Variants in NDUFAF6 observed in about 807,000 individuals in gnomAD.
NDUFAF6 encodes NADH:ubiquinone oxidoreductase complex assembly factor 6.
Under a neutral mutation model 40.8 loss-of-function variants are expected in NDUFAF6, and 45 were observed. That is an observed-to-expected ratio of 1.10 (90% CI 0.87 to 1.42). The LOEUF (loss-of-function observed/expected upper bound fraction) is 1.42. Ranked by LOEUF, NDUFAF6 falls within the 40% of genes most tolerant of loss-of-function variation. NDUFAF6 has a pLI of 0.00. For missense variants in NDUFAF6, 435 were observed against 418.5 expected, an observed-to-expected ratio of 1.04 and a Z score of -0.34; for synonymous variants, 185 against 155.9, an observed-to-expected ratio of 1.19 and a Z score of -1.39.
intron 2 of NDUFAF6, among the ~76,000 whole-genome samples, chr8:95,001,779 T>C (rs1372865834): frequency 2.0e-5 from 3 of 151,864 alleles, no homozygotes; most frequent in South Asian, 2.1e-4. Context: ...CAATCATGCA[T>C]TGGAGGAAAA....
intron 2 of NDUFAF6, among the ~76,000 whole-genome samples, chr8:95,002,982 G>A (rs1180726683): frequency 6.6e-6 from 1 of 152,164 alleles, no homozygotes; most frequent in Non-Finnish European, 1.5e-5. Flanking sequence ...GACAACTTCT[G>A]GCTTACATCA....
At chr8:94,917,875 A>G (rs2131255771) in intron 1 of NDUFAF6, among the ~76,000 whole-genome samples, 1 of 152,338 alleles carries the variant, frequency 6.6e-6, no homozygotes, top group Admixed American at 6.5e-5. Context: ...AAATACATCA[A>G]TCTCTTCATC....
chr8:95,007,481 T>C lies in NDUFAF6; in HGVS notation c.-83-24514T>C, dbSNP rs551391723. On this transcript the variant is annotated intron_variant, in intron 2 of 9. Transcript: ENST00000396111. Reference sequence around the variant, plus strand: ...GAGTTCAAGACTAGCCTGGGAAACATAGTTAGACCCCATTTCTACAAAAAA... The same window carrying C: ...GAGTTCAAGACTAGCCTGGGAAACACAGTTAGACCCCATTTCTACAAAAAA... Among the ~76,000 whole-genome samples, 382 of 152,000 alleles carry C rather than the reference T, an allele frequency of 2.5e-3. 4 individuals are homozygous for C. Among genetic ancestry groups the C allele is most frequent in the African/African-American group, 8.8e-3 (364 of 41,468 alleles).
At chr8:95,002,110 CTTTA>C (rs1024600886) in intron 2 of NDUFAF6, among the ~76,000 whole-genome samples, 5 of 152,158 alleles carry the variant, frequency 3.3e-5, no homozygotes, top group African/African-American at 1.2e-4. Flanking sequence ...CTGCATCTGA[CTTTA>C]TTTATGAGTG....
intron 7 of NDUFAF6, 56 bp downstream of exon 7, chr8:95,048,614 C>A: frequency 8.3e-7 from 1 of 1,211,616 alleles, no homozygotes. Context: ...CTAGATGTGG[C>A]TCTTCTTAGA....
chr8:94,974,736 G>T, intron 1 of NDUFAF6: 1 of 176,186 alleles, frequency 5.7e-6, no homozygotes, highest in South Asian at 1.4e-4. Flanking sequence ...TGTGGGCAGA[G>T]GTACCTGGAG....
intron 2 of NDUFAF6, chr8:95,085,805 T>C (rs1809027636): frequency 6.6e-6 from 1 of 152,124 alleles, no homozygotes; most frequent in Non-Finnish European, 1.5e-5. Context: ...GAAAATCAGA[T>C]GAGATAATTT....
At chr8:95,010,638 C>A (rs913017278) in intron 2 of NDUFAF6, among the ~76,000 whole-genome samples, 1 of 152,138 alleles carries the variant, frequency 6.6e-6, no homozygotes, top group Non-Finnish European at 1.5e-5. Flanking sequence ...TCAACTAAGT[C>A]AAGTAGTGAC....
chr8:94,964,221 A>G (rs1166047868), intron 1 of NDUFAF6, among the ~76,000 whole-genome samples: 2 of 152,172 alleles, frequency 1.3e-5, no homozygotes, highest in Non-Finnish European at 2.9e-5. Context: ...TGAGCCTAGG[A>G]GTTTGAGACC....
chr8:95,022,730 A>G (rs1827743137), upstream of NDUFAF6, among the ~76,000 whole-genome samples: 1 of 152,224 alleles, frequency 6.6e-6, no homozygotes, highest in African/African-American at 2.4e-5. Flanking sequence ...TCCAGAAGCC[A>G]TAAAAGTAAA....
chr8:95,029,236 T>A (rs970770731), intron 1 of NDUFAF6, among the ~76,000 whole-genome samples: 1 of 152,232 alleles, frequency 6.6e-6, no homozygotes, highest in African/African-American at 2.4e-5. Flanking sequence ...TACCTTATAC[T>A]TAAGTCATCT....
intron 2 of NDUFAF6, among the ~76,000 whole-genome samples, chr8:95,093,842 T>C (rs1247672901): frequency 6.6e-6 from 1 of 152,276 alleles, no homozygotes. Context: ...AGGTAGCTAG[T>C]GGTATGATTG....
At chr8:95,009,091 T>C (rs1461453027) in intron 2 of NDUFAF6, among the ~76,000 whole-genome samples, 1 of 151,856 alleles carries the variant, frequency 6.6e-6, no homozygotes, top group Non-Finnish European at 1.5e-5. Flanking sequence ...TTCCAGCTAC[T>C]TGGGAAGCTA....
intron 2 of NDUFAF6, chr8:94,981,082 T>C (rs1400273026): frequency 4.8e-6 from 2 of 420,598 alleles, no homozygotes; most frequent in South Asian, 1.7e-5. Flanking sequence ...AAAACTCACG[T>C]TGAGGCTTGG....
rs140234462 is a variant in NDUFAF6, at chr8:95,110,182, TTG to T, written n.345-5353_345-5352del. Among the ~76,000 whole-genome samples the T allele has an allele frequency of 1.9e-3, 297 of 152,328 alleles. 1 individual carries two copies. Among genetic ancestry groups the T allele is most frequent in the African/African-American group, 7.0e-3 (289 of 41,566 alleles). ...TGGTTGGAGGAGCAAATACTTTAGT[TTG>T]GAGTCACAGAACAGAATGAATGTAT... is the stretch of plus-strand genomic sequence containing the variant. On this transcript the variant is annotated intron_variant and non_coding_transcript_variant, in intron 4 of 5. Coordinates refer to the NDUFAF6 transcript ENST00000523184.
intron 2 of NDUFAF6, among the ~76,000 whole-genome samples, chr8:95,013,522 A>G (rs1458164440): frequency 1.3e-5 from 2 of 152,236 alleles, no homozygotes; most frequent in Non-Finnish European, 2.9e-5. Flanking sequence ...GAAGTTTCAA[A>G]TTTTAGTATC....
chr8:95,096,529 A>G (rs1809469637), upstream of NDUFAF6, among the ~76,000 whole-genome samples: 2 of 152,170 alleles, frequency 1.3e-5, no homozygotes. Context: ...GAGAGAATTA[A>G]TATTATTGAG....
At chr8:94,971,921 A>T (rs1824496739) in intron 1 of NDUFAF6, among the ~76,000 whole-genome samples, 1 of 151,998 alleles carries the variant, frequency 6.6e-6, no homozygotes, top group Non-Finnish European at 1.5e-5. Context: ...CTGGGCAACA[A>T]GAGCGGAAAA....
intron 2 of NDUFAF6, among the ~76,000 whole-genome samples, chr8:95,017,087 C>A (rs1454799132): frequency 6.6e-6 from 1 of 151,004 alleles, no homozygotes; most frequent in Non-Finnish European, 1.5e-5. Flanking sequence ...TGTACACTGC[C>A]ATGCCCAGCT....
Sources: allele counts gnomAD v4.1 joint callset (sites outside exome capture counted in the v4.1 genomes callset), GRCh38; gene constraint gnomAD v4.1.1; transcripts MANE v1.5; gene names NCBI Gene and HGNC (gene_info 2026-07-23, HGNC 2026-07-21).